JARID2: variants seen among roughly 807,000 people sequenced by gnomAD.
The protein encoded by JARID2 is protein Jumonji.
In JARID2, 21 loss-of-function variants were observed where a neutral mutation model predicts 125.6. The ratio of observed to expected loss-of-function variants is 0.17; its 90% CI spans 0.12 to 0.24. The LOEUF (loss-of-function observed/expected upper bound fraction) is 0.24, where lower values mean the gene tolerates loss of function less well. Among genes scored for constraint, JARID2 ranks in the 10% least tolerant of loss-of-function variants. The probability of loss-of-function intolerance (pLI) is 1.00; values close to 1 mark genes in which losing one functional copy is unlikely to be tolerated. For missense variants in JARID2, 1,303 were observed against 1,639.6 expected, an observed-to-expected ratio of 0.79 and a Z score of 3.55; for synonymous variants, 736 against 661.6, an observed-to-expected ratio of 1.11 and a Z score of -1.73.
intron 1 of JARID2, among the ~76,000 whole-genome samples, chr6:15,310,135 G>A (rs1761966031): frequency 6.6e-6 from 1 of 152,148 alleles, no homozygotes; most frequent in South Asian, 2.1e-4. Flanking sequence ...TGAAACAGAT[G>A]AATTCCAGAT....
chr6:15,461,848 T>G (rs144635863), intron 4 of JARID2, among the ~76,000 whole-genome samples: 11 of 152,142 alleles, frequency 7.2e-5, no homozygotes, highest in African/African-American at 2.6e-4. Flanking sequence ...CCTGGAGTCT[T>G]GGATCCCATG....
At position 15,374,265 on chromosome 6, in the gene JARID2, T is replaced by A; in HGVS notation, c.181+13T>A. On this transcript the variant is annotated intron_variant, in intron 2 of 17. Coordinates refer to ENST00000341776, the MANE Select transcript of JARID2 (RefSeq NM_004973.4). ...AAAACTGTGAATGGTGAGTTGACTC[T>A]TGGAATATCTCATTGGAATGTACAA... 1 of 1,613,024 alleles carries A rather than the reference T, an allele frequency of 6.2e-7. No homozygotes were observed. The highest frequency in any genetic ancestry group is 8.5e-7 in the Non-Finnish European group (1 of 1,179,156).
In JARID2 at chr6:15,347,500, A is replaced by G. The variant is rs538836070; in HGVS notation, c.46-26617A>G. Among the ~76,000 whole-genome samples the G allele has an allele frequency of 3.9e-5, 6 of 152,296 alleles. No individual in the cohort carries two copies. In the East Asian group the frequency reaches 1.2e-3, roughly 29 times the overall value. ...CTCACGTGGTTGGTGAGCATTTGAG[A>G]AAAATATTTTATTTTCCATGATATG... On this transcript the variant is annotated intron_variant, in intron 1 of 17. Transcript: ENST00000341776.
intron 3 of JARID2, among the ~76,000 whole-genome samples, chr6:15,431,181 A>G (rs1469043453): frequency 2.6e-5 from 4 of 152,192 alleles, no homozygotes; most frequent in Non-Finnish European, 5.9e-5. Context: ...ATTCAGCCTA[A>G]TTGAACTGTG....
At chr6:15,498,446 G>T (rs970755131) in intron 7 of JARID2, among the ~76,000 whole-genome samples, 7 of 152,158 alleles carry the variant, frequency 4.6e-5, no homozygotes, top group East Asian at 1.9e-4. Flanking sequence ...CCTGCCACTG[G>T]GGACACAGGG....
intron 3 of JARID2, among the ~76,000 whole-genome samples, chr6:15,426,416 G>A (rs554386117): frequency 2.0e-5 from 3 of 152,316 alleles, no homozygotes; most frequent in Non-Finnish European, 2.9e-5. Context: ...AAGGACGCAC[G>A]TGGATGTTGG....
chr6:15,324,298 G>T (rs1246042628), intron 1 of JARID2: 3 of 151,986 alleles, frequency 2.0e-5, no homozygotes, highest in Admixed American at 2.0e-4. Context: ...CCTAAGATTG[G>T]AAGGATTATC....
chr6:15,324,758 G>A (rs1366515836), intron 1 of JARID2, among the ~76,000 whole-genome samples: 1 of 151,446 alleles, frequency 6.6e-6, no homozygotes, highest in Non-Finnish European at 1.5e-5. Context: ...CACAGTGCTG[G>A]GATTGCAAGT....
chr6:15,397,955 T>C (rs78772881), intron 2 of JARID2, among the ~76,000 whole-genome samples: 4,673 of 152,240 alleles, frequency 0.031, 247 homozygotes, highest in African/African-American at 0.1. Flanking sequence ...TGTAGTATTA[T>C]AAATACTCCA....
chr6:15,254,349 T>C (rs1161260330), intron 1 of JARID2, among the ~76,000 whole-genome samples: 1 of 152,148 alleles, frequency 6.6e-6, no homozygotes, highest in African/African-American at 2.4e-5. Context: ...GACTTTTTCT[T>C]GTACTTGTAT....
chr6:15,255,821 C>G (rs1759642511), intron 1 of JARID2, among the ~76,000 whole-genome samples: 1 of 152,092 alleles, frequency 6.6e-6, no homozygotes. Flanking sequence ...GACTTTTGTG[C>G]TTTGTGTATA....
At chr6:15,382,310 G>A (rs1304327358) in intron 2 of JARID2, among the ~76,000 whole-genome samples, 1 of 152,162 alleles carries the variant, frequency 6.6e-6, no homozygotes, top group Non-Finnish European at 1.5e-5. Context: ...AGTGCAGGAG[G>A]CTAGCAGGGA....
chr6:15,254,452 CAA>C (rs1310410803), intron 1 of JARID2, among the ~76,000 whole-genome samples: 1 of 152,124 alleles, frequency 6.6e-6, no homozygotes, highest in Non-Finnish European at 1.5e-5. Context: ...ATCCATTAAA[CAA>C]AGGCTGTCCA....
chr6:15,385,915 A>G (rs1468651766), intron 2 of JARID2, among the ~76,000 whole-genome samples: 3 of 152,078 alleles, frequency 2.0e-5, no homozygotes, highest in South Asian at 2.1e-4. Flanking sequence ...TAATTGTGTG[A>G]TATGTCTCAC....
At chr6:15,471,600 C>G (rs1561886416) in intron 5 of JARID2, among the ~76,000 whole-genome samples, 1 of 152,180 alleles carries the variant, frequency 6.6e-6, no homozygotes. Context: ...TATACTAGTG[C>G]AGTTGTACTG....
chr6:15,440,036 C>G (rs1447983722), intron 3 of JARID2, among the ~76,000 whole-genome samples: 1 of 152,200 alleles, frequency 6.6e-6, no homozygotes, highest in Non-Finnish European at 1.5e-5. Context: ...ATCAAGACCC[C>G]TTGTGAATCA....
chr6:15,248,784 C>A (rs914117237), intron 1 of JARID2: 8 of 323,580 alleles, frequency 2.5e-5, no homozygotes, highest in Non-Finnish European at 3.6e-5. Context: ...ACCTTCCCCT[C>A]CTCCTCCGTG....
chr6:15,248,660 C>G (rs1033762567), intron 1 of JARID2: 1 of 152,170 alleles, frequency 6.6e-6, no homozygotes, highest in African/African-American at 2.4e-5. Flanking sequence ...CCGCCGCGCG[C>G]CGGCGCCCCA....
chr6:15,479,442 T>C (rs1297954140), intron 5 of JARID2, among the ~76,000 whole-genome samples: 2 of 152,252 alleles, frequency 1.3e-5, no homozygotes, highest in Non-Finnish European at 2.9e-5. Context: ...TATTTTATCA[T>C]TGCACATAAT....
Sources: gnomAD v4.1 joint callset for allele counts (sites outside exome capture counted in the v4.1 genomes callset) on GRCh38, gnomAD v4.1.1 for gene constraint, MANE v1.5 for transcripts, NCBI Gene and HGNC (gene_info 2026-07-23, HGNC 2026-07-21) for gene names.